USP8: variants seen among roughly 807,000 people sequenced by gnomAD.
USP8 encodes ubiquitin specific peptidase 8.
Under a neutral mutation model 130.0 loss-of-function variants are expected in USP8, and 27 were observed. The ratio of observed to expected loss-of-function variants is 0.21; its 90% CI spans 0.15 to 0.29. The LOEUF (loss-of-function observed/expected upper bound fraction) is 0.29. Among genes scored for constraint, USP8 ranks in the 10% least tolerant of loss-of-function variants. The pLI, the probability that USP8 is intolerant of heterozygous loss-of-function variation, is 1.00. For synonymous variants in USP8, 392 were observed against 444.1 expected, an observed-to-expected ratio of 0.88 and a Z score of 1.48; for missense variants, 1,029 against 1,312.2, an observed-to-expected ratio of 0.78 and a Z score of 3.33.
Position 50,500,677 on chromosome 15 carries a change from G to A in USP8, c.*1589G>A, listed in dbSNP as rs3803373. The stretch of plus-strand genomic sequence containing the variant: ...CTCTTAACGCTTTTGTATTGGTATG[G>A]AAAAGGGCTGGCAGCTATAGAACAG... On this transcript the variant is annotated 3_prime_UTR_variant, in exon 20 of 20. Transcript: ENST00000307179. The A allele has an allele frequency of 0.031, 39,261 of 1,286,112 alleles. 1,016 individuals are homozygous for A. The highest frequency in any genetic ancestry group is 0.089 in the East Asian group (3,509 of 39,244). The allele number at this position is 1,286,112 out of a possible 1,614,324, so 79.7% of individuals were successfully genotyped here.
intron 15 of USP8, chr15:50,493,521 C>T (rs775311780): frequency 6.4e-5 from 33 of 516,168 alleles, no homozygotes; most frequent in Non-Finnish European, 1.1e-4. Flanking sequence ...GGGAGGCTGA[C>T]GTGGGCAGAT....
chr15:50,449,553 C>G, intron 4 of USP8, 68 bp downstream of exon 4: 3 of 1,137,014 alleles, frequency 2.6e-6, no homozygotes, highest in Non-Finnish European at 3.6e-6. Flanking sequence ...TAAGATTTAC[C>G]GATTTATATC....
At chr15:50,444,849 C>T (rs1372697309) in intron 3 of USP8, among the ~76,000 whole-genome samples, 3 of 152,166 alleles carry the variant, frequency 2.0e-5, no homozygotes, top group Non-Finnish European at 4.4e-5. Context: ...CCTCGACTTC[C>T]TGGGCTCAGC....
chr15:50,446,049 A>G (rs2141262460), intron 3 of USP8, among the ~76,000 whole-genome samples: 1 of 152,296 alleles, frequency 6.6e-6, no homozygotes, highest in East Asian at 1.9e-4. Context: ...ATAAAATTAG[A>G]ATTGTATTTT....
intron 8 of USP8, 136 bp downstream of exon 8, chr15:50,471,931 C>CAAA: frequency 1.0e-6 from 1 of 962,578 alleles, no homozygotes; most frequent in Non-Finnish European, 1.5e-6. Flanking sequence ...GACTGAGTCT[C>CAAA]ACTCTGTTGC....
chr15:50,470,523 G>A (rs1001394063), intron 7 of USP8, among the ~76,000 whole-genome samples: 9 of 152,018 alleles, frequency 5.9e-5, no homozygotes, highest in African/African-American at 2.2e-4. Context: ...TGGAGCGAGT[G>A]AAGGGGGCCA....
chr15:50,460,209 G>A (rs2050941699), intron 5 of USP8, among the ~76,000 whole-genome samples: 1 of 150,392 alleles, frequency 6.6e-6, no homozygotes, highest in East Asian at 1.9e-4. Flanking sequence ...TGTTGGCCAG[G>A]CTGGTCTCGA....
chr15:50,454,518 C>T (rs1416082787), intron 4 of USP8, among the ~76,000 whole-genome samples: 3 of 149,116 alleles, frequency 2.0e-5, no homozygotes, highest in Non-Finnish European at 4.4e-5. Context: ...CAGTGGCACA[C>T]GATCTTGGCT....
At chr15:50,462,139 T>G in intron 5 of USP8, 141 bp from the exon 6 acceptor site, 1 of 605,366 alleles carries the variant, frequency 1.7e-6, no homozygotes, top group Non-Finnish European at 2.8e-6. Flanking sequence ...ATCATTATTA[T>G]TCGTCTGCGT....
At chr15:50,429,295 C>T (rs2049850315) in intron 1 of USP8, among the ~76,000 whole-genome samples, 1 of 144,132 alleles carries the variant, frequency 6.9e-6, no homozygotes, top group Non-Finnish European at 1.5e-5. Context: ...GCATAAGCAT[C>T]CTGGAGGTGT....
At chr15:50,450,767 G>A (rs541752889) in intron 4 of USP8, among the ~76,000 whole-genome samples, 14 of 152,134 alleles carry the variant, frequency 9.2e-5, no homozygotes, top group African/African-American at 2.4e-4. Flanking sequence ...CACTGTACCC[G>A]GCCATTAGTC....
At chr15:50,429,177 A>C (rs1405924628) in intron 1 of USP8, among the ~76,000 whole-genome samples, 1 of 152,210 alleles carries the variant, frequency 6.6e-6, no homozygotes, top group African/African-American at 2.4e-5. Flanking sequence ...GGACTACTAC[A>C]CTAAATTCTG....
Position 50,475,688 on chromosome 15 carries a change from C to T in USP8, c.850-1161C>T, listed in dbSNP as rs140140027. ...CGCTATCTTGGCTCACTGCAACCTC[C>T]GCCTCTCGGGTTCAAGCGATTCTCT... is the stretch of plus-strand genomic sequence containing the variant. On this transcript the variant is annotated intron_variant, in intron 8 of 19. Coordinates refer to ENST00000307179, the MANE Select transcript of USP8 (RefSeq NM_005154.5). Among the ~76,000 whole-genome samples, 965 of 152,190 alleles carry T rather than the reference C, an allele frequency of 6.3e-3. 14 individuals are homozygous for T. The highest frequency in any genetic ancestry group is 0.022 in the African/African-American group (927 of 41,514).
intron 1 of USP8, among the ~76,000 whole-genome samples, chr15:50,437,462 A>G (rs1214376791): frequency 1.3e-5 from 2 of 152,298 alleles, no homozygotes; most frequent in African/African-American, 2.4e-5. Flanking sequence ...TTTTCATTCA[A>G]CATTGCGGGG....
intron 3 of USP8, chr15:50,444,483 T>C (rs1247919025): frequency 6.6e-6 from 1 of 151,964 alleles, no homozygotes; most frequent in Non-Finnish European, 1.5e-5. Context: ...TATGACAAAA[T>C]TGGGAATATT....
chr15:50,431,492 A>G (rs554877323), intron 1 of USP8, among the ~76,000 whole-genome samples: 5 of 152,230 alleles, frequency 3.3e-5, no homozygotes, highest in African/African-American at 1.2e-4. Flanking sequence ...TTGTTAGTCA[A>G]CATTTTTTTT....
chr15:50,428,007 G>T (rs1444871360), intron 1 of USP8, among the ~76,000 whole-genome samples: 1 of 152,016 alleles, frequency 6.6e-6, no homozygotes, highest in East Asian at 1.9e-4. Flanking sequence ...GCAGGCACAC[G>T]CCAGCACACC....
chr15:50,507,077 G>A lies in USP8; in HGVS notation c.*7989G>A, dbSNP rs1385985244. On this transcript the variant is annotated 3_prime_UTR_variant, in exon 20 of 20. Transcript: ENST00000307179. The stretch of plus-strand genomic sequence containing the variant: ...GCAGGCGGATCACCTGAGATCAGGA[G>A]TTCCAGACCACCCTGGCCAACATGG... 6.6e-6 allele frequency: 1 copy of A among 151,442 alleles called. No homozygotes were observed. Among genetic ancestry groups the A allele is most frequent in the African/African-American group, 2.4e-5 (1 of 41,104 alleles). 9.4% of individuals were successfully genotyped at this position (151,442 alleles called of 1,614,324 possible).
At position 50,449,890 on chromosome 15, in the gene USP8, CTTTTTT is replaced by C. The variant is rs1198558839; in HGVS notation, c.335+421_335+426del. On this transcript the variant is annotated intron_variant, in intron 4 of 19. Coordinates refer to ENST00000307179, the MANE Select transcript of USP8 (RefSeq NM_005154.5). ...GCCACCATGCCTGGCCCCAATATTT[CTTTTTT>C]TTTTTTTTTTTTTTTCTGAGACGGA... Among the ~76,000 whole-genome samples, 300 of 78,938 alleles carry C rather than the reference CTTTTTT, an allele frequency of 3.8e-3. 1 individual carries two copies. The highest frequency in any genetic ancestry group is 0.013 in the African/African-American group (285 of 21,996). The allele number at this position is 78,938 out of a possible 152,430, so 51.8% of individuals were successfully genotyped here. A position where few individuals can be genotyped will look rare whatever the true frequency, so the allele number is the denominator to read the frequency against.
Sources: allele counts gnomAD v4.1 joint callset (sites outside exome capture counted in the v4.1 genomes callset), GRCh38; gene constraint gnomAD v4.1.1; transcripts MANE v1.5; gene names NCBI Gene and HGNC (gene_info 2026-07-23, HGNC 2026-07-21).